Variants in A2M observed in about 807,000 individuals in gnomAD.
The protein encoded by A2M is C3 and PZP-like alpha-2-macroglobulin domain-containing protein 5.
A2M carries 128 observed loss-of-function variants against 183.9 expected under a neutral mutation model. That is an observed-to-expected ratio of 0.70 (90% CI 0.60 to 0.81). A2M has a LOEUF of 0.81. A2M is among the 30% of genes least tolerant of loss of function. The pLI, the probability that A2M is intolerant of heterozygous loss-of-function variation, is 0.00. For synonymous variants in A2M, 592 were observed against 670.8 expected, an observed-to-expected ratio of 0.88 and a Z score of 1.81; for missense variants, 1,495 against 1,787.6, an observed-to-expected ratio of 0.84 and a Z score of 2.95.
At chr12:9,091,080 T>C in intron 19 of A2M, 121 bp downstream of exon 19, 1 of 1,263,424 alleles carries the variant, frequency 7.9e-7, no homozygotes. Flanking sequence ...CCTGTAACTT[T>C]TACAATCATG....
Position 9,101,452 on chromosome 12 carries a change from A to T in A2M, c.1489T>A (p.Tyr497Asn). Residue 497 changes from tyrosine to asparagine, a missense_variant, in exon 12 of 36, where the codon TAT becomes AAT. By Grantham distance (143) the Tyr-to-Asn change is moderately radical. Transcript: ENST00000318602. Reference sequence around the variant, plus strand: ...GCAGTAACCTCCCTTCTCACCAGATAATAGAAGGAGAGCTTCTTCAGCCCC... The same window carrying T: ...GCAGTAACCTCCCTTCTCACCAGATTATAGAAGGAGAGCTTCTTCAGCCCC... Reference protein sequence around the residue: ...LLGLKKLSFYYLIMAKGGIVR... With the variant: ...LLGLKKLSFYNLIMAKGGIVR... The T allele has an allele frequency of 6.2e-7, 1 of 1,611,606 alleles. No individual in the cohort carries two copies. Among genetic ancestry groups the T allele is most frequent in the Non-Finnish European group, 8.5e-7 (1 of 1,178,014 alleles).
In A2M at chr12:9,109,895, T is replaced by C; in HGVS notation, c.645A>G (p.Thr215=). 6.2e-7 allele frequency: 1 copy of C among 1,611,494 alleles called. No homozygotes were observed. Among genetic ancestry groups the C allele is most frequent in the Non-Finnish European group, 8.5e-7 (1 of 1,179,022 alleles). ...VVVQKKSGGR[T]EHPFTVEEFV... ...ATTCCTCCACGGTGAAAGGGTGCTC[T>C]GTCCTTCCACCTGATTTCTTCTGTA... Residue 215 remains threonine, a synonymous_variant, in exon 6 of 36, where the codon ACA becomes ACG. Coordinates refer to ENST00000318602, the MANE Select transcript of A2M (RefSeq NM_000014.6).
rs1286086345 is a variant in A2M at position 9,079,495 on chromosome 12, G to C, written c.3031+144C>G. 2.9e-6 allele frequency: 3 copies of C among 1,037,906 alleles called. No individual in the cohort carries two copies. The African/African-American group carries it at 4.8e-5, about 17-fold the overall frequency. 64.3% of individuals were successfully genotyped at this position (1,037,906 alleles called of 1,614,324 possible). A position where few individuals can be genotyped will look rare whatever the true frequency, so the allele number is the denominator to read the frequency against. On this transcript the variant is annotated intron_variant, in intron 24 of 35. Transcript: ENST00000318602. The stretch of plus-strand genomic sequence containing the variant: ...ATATTTTATTGGAGGTTGGAGAGTG[G>C]ATAGTTTCCTTGAAATTAACTATCA...
chr12:9,111,815 G>C (rs1028432579), intron 4 of A2M, among the ~76,000 whole-genome samples: 2 of 152,110 alleles, frequency 1.3e-5, no homozygotes, highest in African/African-American at 4.8e-5. Context: ...GATGTGTATA[G>C]AAAAAATCTA....
intron 14 of A2M, 28 bp from the exon 15 acceptor site, chr12:9,098,784 A>G (rs1234019621): frequency 6.2e-7 from 1 of 1,608,144 alleles, no homozygotes; most frequent in African/African-American, 1.3e-5. Context: ...AAGGTCAGAA[A>G]AGCAAATTTC....
intron 7 of A2M, among the ~76,000 whole-genome samples, chr12:9,107,943 AC>A (rs1387462699): frequency 1.3e-5 from 2 of 151,980 alleles, no homozygotes; most frequent in Non-Finnish European, 2.9e-5. Context: ...TAAAAGAGAA[AC>A]AATACCAGCA....
At chr12:9,087,283 A>G (rs751464728) in intron 22 of A2M, among the ~76,000 whole-genome samples, 1 of 152,222 alleles carries the variant, frequency 6.6e-6, no homozygotes, top group Non-Finnish European at 1.5e-5. Context: ...ACAGATGAAC[A>G]GATAAAGAAA....
rs750134235 is a variant in A2M at position 9,078,133 on chromosome 12, T to C, written c.3120-276A>G. ...AACGTGCAGGTTTGTTACATAAGTA[T>C]ACGTGTGCCATGGTGGTTTCTTGCA... On this transcript the variant is annotated intron_variant, in intron 25 of 35. Transcript: ENST00000318602. Among the ~76,000 whole-genome samples, 6 of 152,310 alleles carry C rather than the reference T, an allele frequency of 3.9e-5. No individual in the cohort carries two copies. The South Asian group carries it at 1.0e-3, about 26-fold the overall frequency.
At chr12:9,078,023 T>G (rs759604332) in intron 25 of A2M, among the ~76,000 whole-genome samples, 166 bp from the exon 26 acceptor site, 15 of 152,352 alleles carry the variant, frequency 9.8e-5, no homozygotes, top group African/African-American at 3.6e-4. Context: ...ATCTGCTAGA[T>G]GTAGTATTTC....
chr12:9,097,161 T>C (rs1949405645), intron 15 of A2M, among the ~76,000 whole-genome samples: 1 of 152,200 alleles, frequency 6.6e-6, no homozygotes, highest in African/African-American at 2.4e-5. Flanking sequence ...AAAACATGTA[T>C]ATTATTTTCC....
At chr12:9,100,289 G>C (rs995727751) in intron 13 of A2M, among the ~76,000 whole-genome samples, 1 of 152,056 alleles carries the variant, frequency 6.6e-6, no homozygotes, top group Non-Finnish European at 1.5e-5. Context: ...CCTTGAAATC[G>C]TACATTTTCT....
intron 12 of A2M, 46 bp downstream of exon 12, chr12:9,101,401 G>T: frequency 6.7e-7 from 1 of 1,501,924 alleles, no homozygotes; most frequent in South Asian, 1.2e-5. Context: ...GCTCCACAGA[G>T]AGCTTTTGTC....
chr12:9,081,074 T>A (rs1319984092), intron 22 of A2M, among the ~76,000 whole-genome samples: 1 of 152,024 alleles, frequency 6.6e-6, no homozygotes, highest in Non-Finnish European at 1.5e-5. Context: ...AAAAAACAGA[T>A]GCCATAAACA....
chr12:9,109,374 C>T lies in A2M; in HGVS notation c.705G>A (p.Val235=). The part of the protein sequence containing the change: ...VLPKFEVQVT[V]PKIITILEEE... The stretch of plus-strand genomic sequence containing the variant: ...CTTCCAAGATGGTGATTATCTTTGG[C>T]ACTGTTACTTGTACTTCAAACTTGG... The change falls in exon 7 of 36, where the codon GTG becomes GTA. Residue 235 remains valine, a synonymous_variant. Transcript: ENST00000318602. The T allele has an allele frequency of 6.2e-7, 1 of 1,613,348 alleles. No homozygotes were observed.
chr12:9,081,355 T>C (rs1019741855), intron 22 of A2M, among the ~76,000 whole-genome samples: 5 of 152,120 alleles, frequency 3.3e-5, no homozygotes, highest in African/African-American at 1.2e-4. Flanking sequence ...TATAACACTA[T>C]GGAAATGTAT....
At chr12:9,093,274 G>A (rs1323529962) in intron 18 of A2M, among the ~76,000 whole-genome samples, 191 bp downstream of exon 18, 2 of 152,142 alleles carry the variant, frequency 1.3e-5, no homozygotes, top group African/African-American at 2.4e-5. Flanking sequence ...GTAACAATGT[G>A]AGCTAATGGA....
chr12:9,112,156 C>T lies in A2M; in HGVS notation c.483+3G>A. ...CATTTTATGTAGATAATAGAAAACT[C>T]ACCAACTCATTCAGGGGGTGAAAGT... On this transcript the variant is annotated splice_donor_region_variant and intron_variant, in intron 4 of 35. Coordinates refer to ENST00000318602, the MANE Select transcript of A2M (RefSeq NM_000014.6). 1 of 1,613,618 alleles carries T rather than the reference C, an allele frequency of 6.2e-7. No homozygotes were observed. The highest frequency in any genetic ancestry group is 1.7e-4 in the Middle Eastern group (1 of 6,060).
At chr12:9,099,124 G>A (rs879596854) in intron 14 of A2M, among the ~76,000 whole-genome samples, 4 of 152,186 alleles carry the variant, frequency 2.6e-5, no homozygotes, top group South Asian at 4.2e-4. Flanking sequence ...ATTTCCCAAC[G>A]TTTCATCATA....
chr12:9,101,708 T>G (rs780151372), intron 11 of A2M, 34 bp from the exon 12 acceptor site: 3 of 1,469,506 alleles, frequency 2.0e-6, no homozygotes, highest in Middle Eastern at 2.1e-4. Context: ...TATTTTTAGA[T>G]TATACGTCAT....
Sources: gnomAD v4.1 joint callset for allele counts (sites outside exome capture counted in the v4.1 genomes callset) on GRCh38, gnomAD v4.1.1 for gene constraint, MANE v1.5 for transcripts, NCBI Gene and HGNC (gene_info 2026-07-23, HGNC 2026-07-21) for gene names.